The following FAAH2 variants were observed in gnomAD, a reference collection of about 807,000 sequenced individuals.
FAAH2 encodes fatty-acid amide hydrolase 2.
A neutral mutation model predicts 36.9 loss-of-function variants in FAAH2; 60 were observed. That is an observed-to-expected ratio of 1.63 (90% CI 1.32 to 2.02). The LOEUF (loss-of-function observed/expected upper bound fraction) is 2.02. Ranked by LOEUF, FAAH2 falls within the 30% of genes most tolerant of loss-of-function variation. The pLI is 0.00. For synonymous variants in FAAH2, 214 were observed against 143.8 expected (o/e 1.49, Z -3.49); for missense variants, 689 against 397.5 (o/e 1.73, Z -6.23).
chrX:57,319,119 G>T (rs2052935314), intron 3 of FAAH2, among the ~76,000 whole-genome samples: 2 of 111,877 alleles, frequency 1.8e-5, no homozygotes, highest in African/African-American at 6.5e-5. Context: ...ACAAGACAAG[G>T]ATGCCCTCTC....
chrX:57,218,989 C>T, the FAAH2 span, among the ~76,000 whole-genome samples: 1 of 111,819 alleles, frequency 8.9e-6, no homozygotes, highest in African/African-American at 3.3e-5. Flanking sequence ...CTTCTCAGGC[C>T]CAGTCCCAAG....
chrX:57,243,603 A>G, the FAAH2 span, among the ~76,000 whole-genome samples: 1 of 112,206 alleles, frequency 8.9e-6, no homozygotes, highest in Admixed American at 9.4e-5. Context: ...TACTCAGGCA[A>G]ACATGGTCTG....
chrX:57,223,379 G>A, the FAAH2 span, among the ~76,000 whole-genome samples: 28 of 111,609 alleles, frequency 2.5e-4, no homozygotes, highest in African/African-American at 9.1e-4. Context: ...CAAAAGCAAG[G>A]ACCATGGTAT....
intron 7 of FAAH2, among the ~76,000 whole-genome samples, chrX:57,406,127 G>C (rs1056674104): frequency 5.4e-5 from 6 of 111,505 alleles, no homozygotes; most frequent in Non-Finnish European, 1.1e-4. Flanking sequence ...TCAGTGGTTT[G>C]ACTGTAATGG....
At chrX:57,139,397 T>C in the FAAH2 span, among the ~76,000 whole-genome samples, 3 of 112,162 alleles carry the variant, frequency 2.7e-5, no homozygotes, top group African/African-American at 9.7e-5. Flanking sequence ...AGTTCTCTAT[T>C]TTGTGGTGTC....
chrX:57,139,143 A>C, the FAAH2 span, among the ~76,000 whole-genome samples: 1 of 112,058 alleles, frequency 8.9e-6, no homozygotes, highest in African/African-American at 3.2e-5. Context: ...CAATGTCCTG[A>C]AGCTTTTTCC....
intron 7 of FAAH2, among the ~76,000 whole-genome samples, chrX:57,422,721 G>A (rs2056067832): frequency 9.0e-6 from 1 of 111,374 alleles, no homozygotes; most frequent in South Asian, 3.8e-4. Flanking sequence ...GTGGCCTACA[G>A]GTGATAAAAG....
chrX:57,268,361 C>G, the FAAH2 span, among the ~76,000 whole-genome samples: 21 of 111,090 alleles, frequency 1.9e-4, no homozygotes, highest in African/African-American at 5.6e-4. Context: ...GTAAAGAGAC[C>G]AAATCTATGA....
Position 57,454,954 on chromosome X carries a change from C to G in FAAH2, c.1423+6236C>G, listed in dbSNP as rs899643490. Among the ~76,000 whole-genome samples, 3 of 110,971 alleles carry G rather than the reference C, an allele frequency of 2.7e-5. No homozygotes were observed. In the Admixed American group the frequency reaches 2.9e-4, roughly 11 times the overall value. On this transcript the variant is annotated intron_variant, in intron 10 of 10. Coordinates refer to ENST00000374900, the MANE Select transcript of FAAH2 (RefSeq NM_174912.4). Reference sequence around the variant, plus strand: ...ACAAATTCAATAAATACACAAACCCCCTGTAGATACTACACAAGATGACAA... The same window carrying G: ...ACAAATTCAATAAATACACAAACCCGCTGTAGATACTACACAAGATGACAA...
chrX:57,285,432 T>C (rs1178956415), upstream of FAAH2, among the ~76,000 whole-genome samples: 1 of 112,254 alleles, frequency 8.9e-6, no homozygotes, highest in Non-Finnish European at 1.9e-5. Context: ...AGAATGACCC[T>C]GTTCTTCGAG....
the FAAH2 span, among the ~76,000 whole-genome samples, chrX:57,186,375 G>A: frequency 2.0e-4 from 22 of 112,035 alleles, no homozygotes; most frequent in African/African-American, 6.8e-4. Flanking sequence ...CTTCTTTTGA[G>A]AGGTGTCTGT....
At chrX:57,366,491 C>T (rs1176172406) in intron 5 of FAAH2, among the ~76,000 whole-genome samples, 1 of 112,394 alleles carries the variant, frequency 8.9e-6, no homozygotes, top group Admixed American at 9.4e-5. Flanking sequence ...CTCCAGTGGG[C>T]TTGTGGTCAT....
chrX:57,230,326 G>A, the FAAH2 span, among the ~76,000 whole-genome samples: 1 of 112,050 alleles, frequency 8.9e-6, no homozygotes, highest in African/African-American at 3.2e-5. Flanking sequence ...GGGAAAGGTG[G>A]TATCAAAGAA....
chrX:57,244,844 G>A, the FAAH2 span, among the ~76,000 whole-genome samples: 1 of 111,112 alleles, frequency 9.0e-6, no homozygotes, highest in African/African-American at 3.3e-5. Context: ...CAGTGAGCAA[G>A]CATCATAATG....
intron 5 of FAAH2, among the ~76,000 whole-genome samples, chrX:57,345,721 C>T (rs926106069): frequency 2.7e-5 from 3 of 111,273 alleles, no homozygotes; most frequent in Non-Finnish European, 5.7e-5. Flanking sequence ...GATTAGATCA[C>T]TGATTTTAGA....
intron 7 of FAAH2, among the ~76,000 whole-genome samples, chrX:57,387,219 G>C (rs763259009): frequency 9.0e-6 from 1 of 111,265 alleles, no homozygotes; most frequent in Non-Finnish European, 1.9e-5. Context: ...TATAAAGTTA[G>C]ATAAGCATGC....
chrX:57,366,025 T>C (rs1402898055), intron 5 of FAAH2, among the ~76,000 whole-genome samples: 1 of 112,272 alleles, frequency 8.9e-6, no homozygotes, highest in African/African-American at 3.2e-5. Context: ...GATTCTAATT[T>C]CTATGTGTGT....
chrX:57,407,209 G>T (rs1390219241), intron 7 of FAAH2, among the ~76,000 whole-genome samples: 2 of 111,928 alleles, frequency 1.8e-5, no homozygotes. Context: ...TGTTTGCAGG[G>T]TATCTGTTGA....
At chrX:57,417,029 T>C (rs575304961) in intron 7 of FAAH2, among the ~76,000 whole-genome samples, 2 of 112,187 alleles carry the variant, frequency 1.8e-5, no homozygotes, top group African/African-American at 6.5e-5. Context: ...TGGCTATTGA[T>C]ACTTGTGTAT....
Sources: allele counts gnomAD v4.1 joint callset (sites outside exome capture counted in the v4.1 genomes callset), GRCh38; gene constraint gnomAD v4.1.1; transcripts MANE v1.5; gene names NCBI Gene and HGNC (gene_info 2026-07-23, HGNC 2026-07-21).